The following GLCCI1 variants were observed in gnomAD, a reference collection of about 807,000 sequenced individuals.
GLCCI1 encodes the protein glucocorticoid-induced transcript 1 protein.
Under a neutral mutation model 52.2 loss-of-function variants are expected in GLCCI1, and 24 were observed. The ratio of observed to expected loss-of-function variants is 0.46; its 90% CI spans 0.33 to 0.65. The LOEUF is 0.65. Ranked by LOEUF, GLCCI1 falls within the 30% of genes least tolerant of loss-of-function variation. The pLI, the probability that GLCCI1 is intolerant of heterozygous loss-of-function variation, is 0.02. For synonymous variants in GLCCI1, 310 were observed against 276.5 expected (o/e 1.12, Z -1.20); for missense variants, 704 against 701.5 (o/e 1.00, Z -0.04).
At chr7:8,063,441 C>T (rs1188939673) in intron 5 of GLCCI1, among the ~76,000 whole-genome samples, 2 of 151,942 alleles carry the variant, frequency 1.3e-5, no homozygotes, top group Non-Finnish European at 2.9e-5. Context: ...CCACCGCACC[C>T]AGCCTGTTTT....
chr7:8,055,509 C>T lies in GLCCI1; in HGVS notation c.773C>T (p.Ser258Leu). 6.2e-7 allele frequency: 1 copy of T among 1,613,398 alleles called. No individual in the cohort carries two copies. Among genetic ancestry groups the T allele is most frequent in the Non-Finnish European group, 8.5e-7 (1 of 1,179,418 alleles). Reference sequence around the variant, plus strand: ...CACAGTAAGGAGAAAGATCGCCAGTCACCTCTTCATGGCAACCATATAACA... The same window carrying T: ...CACAGTAAGGAGAAAGATCGCCAGTTACCTCTTCATGGCAACCATATAACA... The part of the protein sequence containing the change: ...SRHSKEKDRQ[S>L]PLHGNHITIS... The change falls in exon 4 of 8, where the codon TCA (serine) becomes TTA (leucine). Residue 258 changes from serine (S) to leucine (L), a missense_variant. This residue lies in a region of GLCCI1 where 547 missense variants were observed against 524.8 expected (regional missense o/e 1.04). Transcript: ENST00000223145.
At chr7:8,043,653 T>G (rs1002699856) in intron 3 of GLCCI1, among the ~76,000 whole-genome samples, 1 of 152,346 alleles carries the variant, frequency 6.6e-6, no homozygotes, top group African/African-American at 2.4e-5. Flanking sequence ...GTGATTCTTG[T>G]TGTATAAATC....
At chr7:8,003,527 G>A (rs1010737366) in intron 1 of GLCCI1, among the ~76,000 whole-genome samples, 1 of 152,144 alleles carries the variant, frequency 6.6e-6, no homozygotes, top group African/African-American at 2.4e-5. Context: ...CCATGGAAAT[G>A]TTTTCTATTT....
In GLCCI1 at chr7:8,088,493, C is replaced by G. The variant is rs1230202316; in HGVS notation, c.*1955C>G. ...CAGATACCTTTAACCCTAATAATCT[C>G]AGGCCTTGATGAAAATACTATATTT... On this transcript the variant is annotated 3_prime_UTR_variant, in exon 8 of 8. Transcript: ENST00000223145. The G allele has an allele frequency of 1.3e-5, 2 of 152,642 alleles. No homozygotes were observed. The highest frequency in any genetic ancestry group is 2.1e-4 in the South Asian group (1 of 4,820). 9.5% of individuals were successfully genotyped at this position (152,642 alleles called of 1,614,324 possible).
At chr7:8,047,522 T>TAGCA in intron 3 of GLCCI1, among the ~76,000 whole-genome samples, 3 of 152,234 alleles carry the variant, frequency 2.0e-5, no homozygotes, top group Non-Finnish European at 4.4e-5. Context: ...AAGTACATGC[T>TAGCA]GAAGATAACT....
intron 1 of GLCCI1, among the ~76,000 whole-genome samples, chr7:7,995,469 C>T (rs1252618425): frequency 6.6e-6 from 1 of 152,182 alleles, no homozygotes; most frequent in Admixed American, 6.5e-5. Context: ...GAGATCGTGC[C>T]ACTGCACTCT....
rs1410627248 is a variant in GLCCI1 at position 8,042,236 on chromosome 7, ATTC to A, written c.697-13194_697-13192del. ...AATCAAGGAGTAATTTCAATCTTCAATTCTTATTATTTAAGAAGTACATTTTGT... is the reference window on the plus strand; with the variant it reads ...AATCAAGGAGTAATTTCAATCTTCAATTATTATTTAAGAAGTACATTTTGT... On this transcript the variant is annotated intron_variant, in intron 3 of 7. Coordinates refer to ENST00000223145, the MANE Select transcript of GLCCI1 (RefSeq NM_138426.4). Among the ~76,000 whole-genome samples the A allele has an allele frequency of 5.9e-5, 9 of 152,220 alleles. No individual in the cohort carries two copies. The South Asian group carries it at 1.2e-3, about 21-fold the overall frequency.
intron 1 of GLCCI1, among the ~76,000 whole-genome samples, chr7:7,992,107 TTCTCTC>T (rs60234956): frequency 7.2e-4 from 102 of 141,404 alleles, no homozygotes; most frequent in African/African-American, 2.5e-3. Flanking sequence ...TTCTGTCTGT[TTCTCTC>T]TCTCTCTCTC....
Position 7,969,278 on chromosome 7 carries a change from T to C in GLCCI1, c.-73T>C, listed in dbSNP as rs1337115041. ...CACTCGCACGCACTATCGCGCCGGC[T>C]CCCACACGCTCGCGCGCCTCCCGCC... On this transcript the variant is annotated 5_prime_UTR_variant, in exon 1 of 8. Transcript: ENST00000223145. This position sits in a 1 kb window ranked among gnomAD's most constrained non-coding sequence, Gnocchi z 4.9. The C allele has an allele frequency of 4.4e-6, 5 of 1,142,848 alleles. No homozygotes were observed. The highest frequency in any genetic ancestry group is 5.4e-6 in the Non-Finnish European group (5 of 923,808). The allele number at this position is 1,142,848 out of a possible 1,614,324, so 70.8% of individuals were successfully genotyped here. A position where few individuals can be genotyped will look rare whatever the true frequency, so the allele number is the denominator to read the frequency against.
intron 3 of GLCCI1, among the ~76,000 whole-genome samples, chr7:8,033,047 A>G (rs1034810881): frequency 1.3e-5 from 2 of 152,042 alleles, no homozygotes; most frequent in African/African-American, 4.8e-5. Context: ...AAGAGGGATT[A>G]TATACCCTGA....
At chr7:8,073,868 C>T (rs919837974) in intron 6 of GLCCI1, among the ~76,000 whole-genome samples, 2 of 152,168 alleles carry the variant, frequency 1.3e-5, no homozygotes, top group Non-Finnish European at 2.9e-5. Context: ...AGAGGCATTA[C>T]TTTGTGATTA....
chr7:8,040,482 C>T (rs572060187), intron 3 of GLCCI1, among the ~76,000 whole-genome samples: 1 of 145,214 alleles, frequency 6.9e-6, no homozygotes, highest in South Asian at 2.2e-4. Context: ...AGAGCAAGAC[C>T]CTGACTCAAA....
At chr7:8,060,603 A>AT (rs1260678554) in intron 5 of GLCCI1, among the ~76,000 whole-genome samples, 2 of 152,208 alleles carry the variant, frequency 1.3e-5, no homozygotes, top group East Asian at 1.9e-4. Context: ...TCTTAACTGG[A>AT]TTTTTTTTAA....
At chr7:8,066,033 G>A (rs1782624014) in intron 5 of GLCCI1, among the ~76,000 whole-genome samples, 1 of 152,096 alleles carries the variant, frequency 6.6e-6, no homozygotes, top group Admixed American at 6.6e-5. Flanking sequence ...GTGGTTCAGG[G>A]CTCTTTCTGG....
At chr7:8,030,959 A>G (rs150753819) in intron 3 of GLCCI1, among the ~76,000 whole-genome samples, 1,584 of 152,238 alleles carry the variant, frequency 0.01, 27 homozygotes, top group African/African-American at 0.036. Context: ...TAGTACAACC[A>G]CTATGGAGAA....
intron 2 of GLCCI1, among the ~76,000 whole-genome samples, chr7:8,010,614 G>T (rs73050915): frequency 0.037 from 5,600 of 152,158 alleles, 143 homozygotes; most frequent in Non-Finnish European, 0.057. Flanking sequence ...GGTTTTATCT[G>T]ATTTTGTTTT....
At chr7:7,986,789 A>G (rs1207224140) in intron 1 of GLCCI1, among the ~76,000 whole-genome samples, 1 of 152,112 alleles carries the variant, frequency 6.6e-6, no homozygotes, top group Non-Finnish European at 1.5e-5. Flanking sequence ...TGGTTAAGAG[A>G]TATTCAGACC....
chr7:8,068,176 C>G (rs1312675527), intron 5 of GLCCI1, among the ~76,000 whole-genome samples: 1 of 152,134 alleles, frequency 6.6e-6, no homozygotes, highest in African/African-American at 2.4e-5. Flanking sequence ...TGGTGAAACC[C>G]CATCTCTACT....
At chr7:8,055,355 C>T (rs1372586563) in intron 3 of GLCCI1, 78 bp from the exon 4 acceptor site, 3 of 815,238 alleles carry the variant, frequency 3.7e-6, no homozygotes, top group Non-Finnish European at 5.9e-6. Flanking sequence ...AATCAGTACC[C>T]CAAAACTGAA....
Sources: allele counts gnomAD v4.1 joint callset (sites outside exome capture counted in the v4.1 genomes callset), GRCh38; gene constraint gnomAD v4.1.1; regional missense constraint gnomAD v4.1.1; non-coding constraint Gnocchi (gnomAD v3.1); transcripts MANE v1.5; gene names NCBI Gene and HGNC (gene_info 2026-07-23, HGNC 2026-07-21).